PARVB: variants seen among roughly 807,000 people sequenced by gnomAD.
PARVB encodes parvin beta.
Under a neutral mutation model 47.0 loss-of-function variants are expected in PARVB, and 46 were observed. The observed-to-expected ratio is 0.98, with a 90% confidence interval of 0.77 to 1.25. PARVB has a LOEUF of 1.25. PARVB is among the 50% of genes most tolerant of loss of function. The probability of loss-of-function intolerance (pLI) is 0.00; values close to 1 mark genes in which losing one functional copy is unlikely to be tolerated. For synonymous variants in PARVB, 196 were observed against 196.3 expected, an observed-to-expected ratio of 1.00 and a Z score of 0.01; for missense variants, 473 against 471.6, an observed-to-expected ratio of 1.00 and a Z score of -0.03.
At chr22:44,019,606 T>C (rs569660441), upstream of PARVB, among the ~76,000 whole-genome samples, 2 of 152,186 alleles carry the variant, frequency 1.3e-5, no homozygotes, top group East Asian at 3.9e-4. Flanking sequence ...TCTGCACGGG[T>C]GAGGGCCGCA....
At chr22:44,095,658 C>T (rs2059094556) in intron 2 of PARVB, among the ~76,000 whole-genome samples, 1 of 152,136 alleles carries the variant, frequency 6.6e-6, no homozygotes, top group Non-Finnish European at 1.5e-5. Context: ...TAATGGGTAA[C>T]AGCCAAGACA....
At chr22:44,039,371 C>T (rs5764477) in intron 1 of PARVB, among the ~76,000 whole-genome samples, 46,099 of 151,668 alleles carry the variant, frequency 0.3, 8,758 homozygotes, top group African/African-American at 0.54. Context: ...GCCAACATGA[C>T]GAAACCTAAA....
At chr22:44,067,086 C>T (rs2051552096) in intron 1 of PARVB, among the ~76,000 whole-genome samples, 1 of 152,170 alleles carries the variant, frequency 6.6e-6, no homozygotes, top group South Asian at 2.1e-4. Context: ...GAGCGGTCCT[C>T]CTGCCTTGGC....
Position 44,171,716 on chromosome 22 carries a change from G to A in PARVB, c.*3038G>A, listed in dbSNP as rs547136674. 2 of 151,418 alleles carry A rather than the reference G, an allele frequency of 1.3e-5. No homozygotes were observed. Among genetic ancestry groups the A allele is most frequent in the East Asian group, 1.9e-4 (1 of 5,148 alleles). 9.4% of individuals were successfully genotyped at this position (151,418 alleles called of 1,614,324 possible). On this transcript the variant is annotated 3_prime_UTR_variant, in exon 13 of 13. Transcript: ENST00000338758. The stretch of plus-strand genomic sequence containing the variant: ...GTCACACTCTTGTGGGTTTCAAGTC[G>A]AACAGTAAAAGGAATCATAAGATCT...
At chr22:44,014,297 A>C (rs2146857330) in intron 2 of PARVB, among the ~76,000 whole-genome samples, 1 of 152,356 alleles carries the variant, frequency 6.6e-6, no homozygotes, top group Non-Finnish European at 1.5e-5. Flanking sequence ...GAGTGCATGC[A>C]GCACCAGCTC....
intron 11 of PARVB, among the ~76,000 whole-genome samples, chr22:44,163,521 C>T (rs1191384355): frequency 6.6e-6 from 1 of 152,070 alleles, no homozygotes; most frequent in Non-Finnish European, 1.5e-5. Context: ...TAAAATGGGG[C>T]CCCTGTGACT....
chr22:44,028,807 G>A (rs1458409750), intron 1 of PARVB, among the ~76,000 whole-genome samples: 3 of 152,174 alleles, frequency 2.0e-5, no homozygotes, highest in African/African-American at 7.2e-5. Flanking sequence ...GGTGGTGTCA[G>A]TGTTCTGGAT....
intron 3 of PARVB, chr22:44,114,029 A>G (rs1386073722): frequency 1.2e-5 from 1 of 85,230 alleles, no homozygotes; most frequent in Non-Finnish European, 2.2e-5. Flanking sequence ...ACCAACACAG[A>G]TATGTTGTTA....
intron 1 of PARVB, among the ~76,000 whole-genome samples, chr22:44,047,467 G>C (rs965342827): frequency 2.0e-5 from 3 of 152,038 alleles, no homozygotes; most frequent in African/African-American, 7.2e-5. Flanking sequence ...TGGAGGCCAG[G>C]CTGGTCAACA....
In PARVB at chr22:44,154,903, T is replaced by C. The variant is rs905703001; in HGVS notation, c.844-3079T>C. 2.9e-5 allele frequency among the ~76,000 whole-genome samples: 4 copies of C among 139,932 alleles called. No individual in the cohort carries two copies. The Admixed American group carries it at 3.0e-4, about 11-fold the overall frequency. 91.8% of individuals were successfully genotyped at this position (139,932 alleles called of 152,430 possible). ...TGGTTTTTGTAGTCTGTGTAGTGTG[T>C]GGTGTGTGTGTGGTTTATGCAGTCT... On this transcript the variant is annotated intron_variant, in intron 10 of 12. Transcript: ENST00000338758.
chr22:44,052,246 T>G (rs538813079), intron 1 of PARVB, among the ~76,000 whole-genome samples: 1 of 152,280 alleles, frequency 6.6e-6, no homozygotes, highest in South Asian at 2.1e-4. Context: ...GTTAAAAGAA[T>G]TAAGCTGGAA....
intron 1 of PARVB, among the ~76,000 whole-genome samples, chr22:44,026,636 G>A (rs573638841): frequency 2.1e-4 from 32 of 152,364 alleles, no homozygotes; most frequent in Non-Finnish European, 3.5e-4. Context: ...GGGTGGAGCA[G>A]CCCCTGGCCC....
intron 1 of PARVB, chr22:44,026,253 C>A (rs1278799088): frequency 1.1e-6 from 1 of 930,956 alleles, no homozygotes; most frequent in Non-Finnish European, 1.3e-6. Context: ...TCAGGCCCAG[C>A]CTGGTTTAAT....
intron 2 of PARVB, among the ~76,000 whole-genome samples, chr22:44,095,646 T>G (rs896137368): frequency 2.0e-5 from 3 of 152,182 alleles, no homozygotes; most frequent in Non-Finnish European, 4.4e-5. Flanking sequence ...CACTGCCTGA[T>G]GTAATGGGTA....
chr22:44,014,740 T>G (rs938415321), intron 2 of PARVB, among the ~76,000 whole-genome samples: 1 of 152,226 alleles, frequency 6.6e-6, no homozygotes, highest in Admixed American at 6.5e-5. Flanking sequence ...ATCATTGTCC[T>G]TCCTTCCTCT....
intron 2 of PARVB, among the ~76,000 whole-genome samples, chr22:44,013,066 T>G (rs1277122492): frequency 6.6e-6 from 1 of 151,928 alleles, no homozygotes; most frequent in African/African-American, 2.4e-5. Context: ...CCGGTTAATT[T>G]TTTTGTAGTT....
rs2053974912 is a variant in PARVB, at chr22:44,158,061, C to A, written c.923C>A (p.Thr308Asn). ...GTTCCTCTCCACCACTTCTACCTGA[C>A]TCCGGAAAGCTTCGATCAGAAGGTA... ...YFVPLHHFYL[T>N]PESFDQKVHN... The change falls in exon 11 of 13, where the codon ACT becomes AAT. Residue 308 changes from threonine (T) to asparagine (N), a missense_variant. Transcript: ENST00000338758. 6.2e-7 allele frequency: 1 copy of A among 1,613,466 alleles called. No individual in the cohort carries two copies. The highest frequency in any genetic ancestry group is 8.5e-7 in the Non-Finnish European group (1 of 1,179,348).
At chr22:44,126,062 C>T (rs774846199) in intron 4 of PARVB, among the ~76,000 whole-genome samples, 1 of 152,090 alleles carries the variant, frequency 6.6e-6, no homozygotes, top group Non-Finnish European at 1.5e-5. Flanking sequence ...CATGCTGGGG[C>T]TGAGATACCT....
chr22:44,021,748 AAAGTCTAGACTCAC>A (rs901930654), upstream of PARVB, among the ~76,000 whole-genome samples: 1 of 140,302 alleles, frequency 7.1e-6, no homozygotes, highest in African/African-American at 2.7e-5. Context: ...GTGTCCCTGT[AAAGTCTAGACTCAC>A]ACACACACAC....
Sources: allele counts gnomAD v4.1 joint callset (sites outside exome capture counted in the v4.1 genomes callset), GRCh38; gene constraint gnomAD v4.1.1; transcripts MANE v1.5; gene names NCBI Gene and HGNC (gene_info 2026-07-23, HGNC 2026-07-21).